Variants in GTF2H3 observed in about 807,000 individuals in gnomAD.
The protein encoded by GTF2H3 is general transcription factor IIH subunit 3.
Under a neutral mutation model 51.1 loss-of-function variants are expected in GTF2H3, and 42 were observed. The ratio of observed to expected loss-of-function variants is 0.82; its 90% CI spans 0.64 to 1.06. The LOEUF (loss-of-function observed/expected upper bound fraction) is 1.06, where lower values mean the gene tolerates loss of function less well. Ranked by LOEUF, GTF2H3 falls within the 50% of genes least tolerant of loss-of-function variation. The pLI is 0.00. For synonymous variants in GTF2H3, 123 were observed against 123.8 expected (o/e 0.99, Z 0.04); for missense variants, 326 against 366.1 (o/e 0.89, Z 0.89).
At chr12:123,651,128 AG>A in intron 5 of GTF2H3, 72 bp downstream of exon 5, 1 of 1,159,096 alleles carries the variant, frequency 8.6e-7, no homozygotes, top group South Asian at 1.2e-5. Context: ...GACATTTCTT[AG>A]GACCTTGGGT....
In GTF2H3 at chr12:123,660,368, C is replaced by T. The variant is rs953262708; in HGVS notation, c.*133C>T. ...TATGGTGACCTTACAGAAAATATTTCCCAAACATCCTTTTCATCCTGTGCT... is the reference window on the plus strand; with the variant it reads ...TATGGTGACCTTACAGAAAATATTTTCCAAACATCCTTTTCATCCTGTGCT... On this transcript the variant is annotated 3_prime_UTR_variant, in exon 13 of 13. Transcript: ENST00000543341. The T allele has an allele frequency of 5.8e-5, 35 of 606,688 alleles. No homozygotes were observed. In the South Asian group the frequency reaches 8.7e-4, roughly 15 times the overall value. 37.6% of individuals were successfully genotyped at this position (606,688 alleles called of 1,614,324 possible). A position where few individuals can be genotyped will look rare whatever the true frequency, so the allele number is the denominator to read the frequency against.
chr12:123,648,087 G>A lies in GTF2H3; in HGVS notation c.325G>A (p.Glu109Lys). The change falls in exon 4 of 13, where the codon GAA becomes AAA. Residue 109 changes from glutamate to lysine, a missense_variant. Glu to Lys is a moderately conservative substitution (Grantham distance 56, BLOSUM62 1). Coordinates refer to ENST00000543341, the MANE Select transcript of GTF2H3 (RefSeq NM_001516.5). ...ATACGAACTTTTAACCTCAGCAAAT[G>A]AAGTTATTGTTGAAGAGATTAAAGA... ...GKYELLTSAN[E>K]VIVEEIKDLM... 6.2e-7 allele frequency: 1 copy of A among 1,610,556 alleles called. No individual in the cohort carries two copies. The highest frequency in any genetic ancestry group is 8.5e-7 in the Non-Finnish European group (1 of 1,177,366).
chr12:123,641,848 T>G (rs1297176717), intron 2 of GTF2H3, among the ~76,000 whole-genome samples: 1 of 152,192 alleles, frequency 6.6e-6, no homozygotes, highest in Admixed American at 6.6e-5. Flanking sequence ...TTTTTAGTTT[T>G]TTTGTTTGTT....
At position 123,660,521 on chromosome 12, in the gene GTF2H3, TG is replaced by T. The variant is rs1383950743; in HGVS notation, c.*287del. The T allele has an allele frequency of 3.9e-6, 1 of 257,196 alleles. No homozygotes were observed. The highest frequency in any genetic ancestry group is 2.2e-5 in the African/African-American group (1 of 44,696). The allele number at this position is 257,196 out of a possible 1,614,324, so 15.9% of individuals were successfully genotyped here. ...GGATGACTATTAGTCAAAGTCAGCT[TG>T]TCATGACTCATCATAGGCTTTCTAA... On this transcript the variant is annotated 3_prime_UTR_variant, in exon 13 of 13. Transcript: ENST00000543341.
intron 5 of GTF2H3, among the ~76,000 whole-genome samples, chr12:123,651,971 TAAACATTTTC>T (rs988620239): frequency 2.6e-5 from 4 of 152,234 alleles, no homozygotes; most frequent in Non-Finnish European, 4.4e-5. Context: ...TCAGACTTTT[TAAACATTTTC>T]ATTTTCTTCT....
rs1184441867 is a variant in GTF2H3 at position 123,660,195 on chromosome 12, T to G, written c.887T>G (p.Val296Gly). 6.2e-7 allele frequency: 1 copy of G among 1,611,608 alleles called. No individual in the cohort carries two copies. Among genetic ancestry groups the G allele is most frequent in the Admixed American group, 1.7e-5 (1 of 59,538 alleles). The part of the protein sequence containing the change: ...ETAFKISLPP[V>G]LKAKKKKLKV... ...GCCTTTAAAATTTCTCTGCCTCCAG[T>G]GCTGAAAGCCAAGAAAAAGAAACTG... Residue 296 changes from valine (V) to glycine (G), a missense_variant, in exon 13 of 13, where the codon GTG becomes GGG. Val to Gly is a moderately radical substitution (Grantham distance 109, BLOSUM62 -3). Coordinates refer to ENST00000543341, the MANE Select transcript of GTF2H3 (RefSeq NM_001516.5).
At chr12:123,633,974 G>A (rs1955233352) in intron 1 of GTF2H3, 102 bp downstream of exon 1, 2 of 1,331,332 alleles carry the variant, frequency 1.5e-6, no homozygotes, top group African/African-American at 1.4e-5. Context: ...GATAGAATCC[G>A]TTTGGTCTTT....
At chr12:123,656,083 C>A (rs1955583267) in intron 9 of GTF2H3, 1 of 339,948 alleles carries the variant, frequency 2.9e-6, no homozygotes, top group Non-Finnish European at 5.3e-6. Context: ...GGAAACAAAA[C>A]CCTAAAGTAA....
chr12:123,648,893 A>G (rs189801219), intron 4 of GTF2H3, among the ~76,000 whole-genome samples: 88 of 152,226 alleles, frequency 5.8e-4, no homozygotes, highest in Middle Eastern at 3.4e-3. Flanking sequence ...GGCTCAAGCT[A>G]TCCTCCTGCT....
At chr12:123,634,038 C>T (rs992384258) in intron 1 of GTF2H3, among the ~76,000 whole-genome samples, 166 bp downstream of exon 1, 4 of 152,342 alleles carry the variant, frequency 2.6e-5, no homozygotes, top group African/African-American at 9.6e-5. Context: ...TTTGGATCGC[C>T]TCCTGTGTAC....
At chr12:123,654,373 A>G (rs1464085005) in intron 7 of GTF2H3, among the ~76,000 whole-genome samples, 1 of 147,436 alleles carries the variant, frequency 6.8e-6, no homozygotes, top group Non-Finnish European at 1.5e-5. Flanking sequence ...CTTTTGGGGT[A>G]CGTGTATTTT....
At chr12:123,637,506 T>TTA (rs2135776957) in intron 1 of GTF2H3, among the ~76,000 whole-genome samples, 1 of 147,626 alleles carries the variant, frequency 6.8e-6, no homozygotes, top group South Asian at 2.1e-4. Context: ...TTTTTTAACT[T>TTA]TTTTTTTTTT....
intron 1 of GTF2H3, among the ~76,000 whole-genome samples, chr12:123,638,380 G>C (rs1228735916): frequency 1.3e-5 from 2 of 151,006 alleles, no homozygotes; most frequent in Non-Finnish European, 2.9e-5. Flanking sequence ...CATGTTGGCC[G>C]GGCTGGTCTT....
chr12:123,658,321 G>A (rs1392396189), intron 9 of GTF2H3, among the ~76,000 whole-genome samples: 1 of 152,030 alleles, frequency 6.6e-6, no homozygotes, highest in Non-Finnish European at 1.5e-5. Context: ...GGGTTCAAGC[G>A]ATTCTCCTGC....
intron 5 of GTF2H3, among the ~76,000 whole-genome samples, chr12:123,652,034 C>T (rs1431720139): frequency 1.3e-5 from 2 of 152,110 alleles, no homozygotes; most frequent in Admixed American, 1.3e-4. Context: ...CATTTAGGAG[C>T]CCTGAAGCTT....
intron 9 of GTF2H3, among the ~76,000 whole-genome samples, chr12:123,659,212 CAA>C (rs1955623189): frequency 6.6e-6 from 1 of 152,058 alleles, no homozygotes; most frequent in Non-Finnish European, 1.5e-5. Context: ...ACTAAAAATA[CAA>C]AAATTAGCCA....
chr12:123,648,440 GT>G (rs1955478691), intron 4 of GTF2H3: 1 of 177,860 alleles, frequency 5.6e-6, no homozygotes, highest in Admixed American at 6.2e-5. Flanking sequence ...CTTAAAATAT[GT>G]TTTTAATTCG....
chr12:123,635,072 G>A (rs1157772930), intron 1 of GTF2H3, among the ~76,000 whole-genome samples: 1 of 152,148 alleles, frequency 6.6e-6, no homozygotes, highest in Non-Finnish European at 1.5e-5. Flanking sequence ...CTGTGAGGGA[G>A]GCAGGCCTGG....
chr12:123,658,152 A>G (rs933507183), intron 9 of GTF2H3, among the ~76,000 whole-genome samples: 1 of 151,960 alleles, frequency 6.6e-6, no homozygotes, highest in Non-Finnish European at 1.5e-5. Context: ...TATCCTCCCC[A>G]GCTCAAATGA....
Sources: gnomAD v4.1 joint callset for allele counts (sites outside exome capture counted in the v4.1 genomes callset) on GRCh38, gnomAD v4.1.1 for gene constraint, MANE v1.5 for transcripts, NCBI Gene and HGNC (gene_info 2026-07-23, HGNC 2026-07-21) for gene names.